Variants in SGSM2 observed in about 807,000 individuals in gnomAD.
The protein encoded by SGSM2 is small G protein signaling modulator 2, also known as RUN and TBC1 domain containing 1.
Under a neutral mutation model 126.6 loss-of-function variants are expected in SGSM2, and 89 were observed. The observed-to-expected ratio is 0.70, with a 90% CI of 0.59 to 0.84. The LOEUF is 0.84. Ranked by LOEUF, SGSM2 falls within the 40% of genes least tolerant of loss-of-function variation. The probability of loss-of-function intolerance (pLI) is 0.00; values close to 1 mark genes in which losing one functional copy is unlikely to be tolerated. For synonymous variants in SGSM2, 614 were observed against 574.3 expected (o/e 1.07, Z -0.99); for missense variants, 1,404 against 1,416.6 (o/e 0.99, Z 0.14).
chr17:2,355,019 G>A (rs2065039149), intron 2 of SGSM2, among the ~76,000 whole-genome samples: 1 of 121,926 alleles, frequency 8.2e-6, no homozygotes, highest in Non-Finnish European at 1.7e-5. Context: ...TTAGAATGGT[G>A]GAATCGGGGT....
chr17:2,374,907 C>T (rs954484457), intron 17 of SGSM2, among the ~76,000 whole-genome samples: 1 of 152,140 alleles, frequency 6.6e-6, no homozygotes, highest in African/African-American at 2.4e-5. Flanking sequence ...CTCTTCTTTT[C>T]CTCGTGCCTT....
chr17:2,372,370 C>T lies in SGSM2; in HGVS notation c.1670C>T (p.Thr557Met), dbSNP rs373626678. Residue 557 changes from threonine to methionine, a missense_variant, in exon 15 of 24, where the codon ACG becomes ATG. Coordinates refer to ENST00000268989, the MANE Select transcript of SGSM2 (RefSeq NM_014853.3). This position sits in a 1 kb window ranked among gnomAD's most constrained non-coding sequence, Gnocchi z 6.0. The part of the protein sequence containing the change: ...GWLAHCRHLS[T>M]VRTHLSALVH... ...CTGGCACACTGCCGCCACCTGTCCA[C>T]GGTGCGGACCCACCTGTCGGCGCTG... The T allele has an allele frequency of 2.1e-4, 326 of 1,589,300 alleles. No individual in the cohort carries two copies. The highest frequency in any genetic ancestry group is 2.7e-4 in the Non-Finnish European group (312 of 1,169,102).
rs117427636 is a variant in SGSM2 at position 2,347,513 on chromosome 17, T to G, written c.133+3893T>G. 4.9e-4 allele frequency among the ~76,000 whole-genome samples: 74 copies of G among 152,102 alleles called. No individual in the cohort carries two copies. In the East Asian group the frequency reaches 0.012, roughly 24 times the overall value. On this transcript the variant is annotated intron_variant, in intron 2 of 23. Transcript: ENST00000268989. ...TTTATCTTAAAACATCACATCAAGT[T>G]TACATTTTTCTCTATCATATGGTTT... is the stretch of plus-strand genomic sequence containing the variant.
Position 2,367,552 on chromosome 17 carries a change from G to A in SGSM2, c.1423+147G>A, listed in dbSNP as rs1349167301. ...TTCCCTTCCATCGGGGGCAGATCAG[G>A]GAGGGCAGAAGGAGGCCAGACAGGT... On this transcript the variant is annotated intron_variant, in intron 12 of 23. Coordinates refer to ENST00000268989, the MANE Select transcript of SGSM2 (RefSeq NM_014853.3). This position sits in a 1 kb window ranked among gnomAD's most constrained non-coding sequence, Gnocchi z 4.0. 4 of 927,224 alleles carry A rather than the reference G, an allele frequency of 4.3e-6. No individual in the cohort carries two copies. The Admixed American group carries it at 8.1e-5, about 19-fold the overall frequency. The allele number at this position is 927,224 out of a possible 1,614,324, so 57.4% of individuals were successfully genotyped here.
intron 2 of SGSM2, among the ~76,000 whole-genome samples, chr17:2,345,641 C>A (rs1382764264): frequency 6.6e-6 from 1 of 150,916 alleles, no homozygotes. Context: ...ATACTGACAG[C>A]TAATTCCCAT....
chr17:2,370,115 A>C (rs575039323), intron 12 of SGSM2, among the ~76,000 whole-genome samples: 5 of 152,300 alleles, frequency 3.3e-5, no homozygotes, highest in Admixed American at 6.5e-5. Context: ...CGCCTGCGGC[A>C]GGCCACAGTG....
In SGSM2 at chr17:2,362,182, C is replaced by T; in HGVS notation, c.370C>T (p.Pro124Ser). The change falls in exon 4 of 24, where the codon CCT becomes TCT. Residue 124 changes from proline (P) to serine (S), a missense_variant. Pro to Ser is a moderately conservative substitution (Grantham distance 74, BLOSUM62 -1). Coordinates refer to ENST00000268989, the MANE Select transcript of SGSM2 (RefSeq NM_014853.3). This position sits in a 1 kb window ranked among gnomAD's most constrained non-coding sequence, Gnocchi z 4.9. ...CAGCGGGAAGGCCCCGGCCCTCAGC[C>T]CTCAGGCCTTGAAACACGTATGGGT... ...SASGKAPALS[P>S]QALKHVWVRT... The T allele has an allele frequency of 6.2e-7, 1 of 1,613,960 alleles. No homozygotes were observed. Among genetic ancestry groups the T allele is most frequent in the Non-Finnish European group, 8.5e-7 (1 of 1,179,992 alleles).
At chr17:2,376,401 T>C (rs73296299) in intron 19 of SGSM2, 140 bp downstream of exon 19, 67,520 of 1,038,398 alleles carry the variant, frequency 0.065, 3,197 homozygotes, top group African/African-American at 0.19. Context: ...AACGCTTTTT[T>C]CCTGCACACC....
In SGSM2 at chr17:2,372,226, G is replaced by A. The variant is rs1364952380; in HGVS notation, c.1614G>A (p.Arg538=). The A allele has an allele frequency of 1.9e-6, 3 of 1,613,258 alleles. 1 individual carries two copies. Among genetic ancestry groups the A allele is most frequent in the Middle Eastern group, 1.6e-4 (1 of 6,062 alleles). The change falls in exon 14 of 24, where the codon AGG becomes AGA. Residue 538 remains arginine, a synonymous_variant. Transcript: ENST00000268989. The surrounding 1 kb of genome is among the most constrained non-coding windows in gnomAD (Gnocchi z 6.0). ...GGCTACTGTGTGAGAGTATGAAGAG[G>A]CAGATCGTGTCCCGGGCCTTCTACG... ...PLRLLCESMK[R]QIVSRAFYGW...
rs141855773 is a variant in SGSM2 at position 2,375,702 on chromosome 17, G to A, written c.2311G>A (p.Gly771Arg). 2 of 1,612,838 alleles carry A rather than the reference G, an allele frequency of 1.2e-6. No homozygotes were observed. Among genetic ancestry groups the A allele is most frequent in the Admixed American group, 1.7e-5 (1 of 59,982 alleles). Residue 771 changes from glycine to arginine, a missense_variant, in exon 18 of 24, where the codon GGG (glycine) becomes AGG (arginine). Gly to Arg is a moderately radical substitution (Grantham distance 125). Transcript: ENST00000268989. ...ASGIQSSLDEGQSVGFEEEDG... is the reference protein window; with the variant it reads ...ASGIQSSLDERQSVGFEEEDG... ...GGGCATCCAGTCAAGCCTAGATGAG[G>A]GGCAGAGCGTGGGCTTCGAAGAGGA...
Position 2,375,729 on chromosome 17 carries a change from G to A in SGSM2, c.2338G>A (p.Asp780Asn). 1.2e-6 allele frequency: 2 copies of A among 1,609,482 alleles called. No individual in the cohort carries two copies. The highest frequency in any genetic ancestry group is 2.2e-5 in the South Asian group (2 of 90,938). ...GCAGAGCGTGGGCTTCGAAGAGGAG[G>A]ACGGCGGTGGGGAGGAAGGCTCCAG... ...EGQSVGFEEE[D>N]GGGEEGSSGP... is the part of the protein sequence containing the mutation. The change falls in exon 18 of 24, where the codon GAC becomes AAC. Residue 780 changes from aspartate (D) to asparagine (N), a missense_variant. By Grantham distance (23) the Asp-to-Asn change is conservative. Transcript: ENST00000268989.
In SGSM2 at chr17:2,380,181, CA is replaced by C. The variant is rs753569587; in HGVS notation, c.*662del. On this transcript the variant is annotated 3_prime_UTR_variant, in exon 24 of 24. Coordinates refer to ENST00000268989, the MANE Select transcript of SGSM2 (RefSeq NM_014853.3). ...GCCTTTGGCCACCTGAGGTGACCCC[CA>C]GGCCTCCCCGGCCTTGTACAGTGTA... The C allele has an allele frequency of 1.1e-5, 17 of 1,507,910 alleles. No homozygotes were observed. The highest frequency in any genetic ancestry group is 1.4e-5 in the Non-Finnish European group (16 of 1,129,996). 93.4% of individuals were successfully genotyped at this position (1,507,910 alleles called of 1,614,324 possible).
intron 13 of SGSM2, 192 bp from the exon 14 acceptor site, chr17:2,371,998 G>A (rs1298402125): frequency 4.8e-6 from 3 of 624,508 alleles, no homozygotes; most frequent in Non-Finnish European, 8.1e-6. Flanking sequence ...GCCAGGCGGG[G>A]GCCCCACAGC....
chr17:2,375,357 CCA>C lies in SGSM2; in HGVS notation c.2101-132_2101-131del, dbSNP rs367701260. On this transcript the variant is annotated intron_variant, in intron 17 of 23. Coordinates refer to ENST00000268989, the MANE Select transcript of SGSM2 (RefSeq NM_014853.3). The stretch of plus-strand genomic sequence containing the variant: ...CAGAAGCTGGCTTGGTGCCCCGTGG[CCA>C]CAGTGTTGGAGGCTGTGGTGGGAGA... 3.0e-4 allele frequency: 347 copies of C among 1,170,822 alleles called. 3 individuals are homozygous for C. The South Asian group carries it at 5.4e-3, about 18-fold the overall frequency. 72.5% of individuals were successfully genotyped at this position (1,170,822 alleles called of 1,614,324 possible). A position where few individuals can be genotyped will look rare whatever the true frequency, so the allele number is the denominator to read the frequency against.
intron 2 of SGSM2, among the ~76,000 whole-genome samples, chr17:2,360,808 G>A (rs180873180): frequency 1.3e-5 from 2 of 152,370 alleles, no homozygotes; most frequent in East Asian, 3.9e-4. Flanking sequence ...AAAGGGGCTC[G>A]GGCCGAGGCT....
Position 2,365,234 on chromosome 17 carries a change from T to A in SGSM2, c.1181T>A (p.Leu394Gln). 1 of 1,612,592 alleles carries A rather than the reference T, an allele frequency of 6.2e-7. No individual in the cohort carries two copies. The highest frequency in any genetic ancestry group is 8.5e-7 in the Non-Finnish European group (1 of 1,179,162). Residue 394 changes from leucine (L) to glutamine (Q), a missense_variant, in exon 11 of 24, where the codon CTA becomes CAA. Physicochemically the swap from Leu to Gln is moderately radical, Grantham distance 113 (BLOSUM62 -2). Transcript: ENST00000268989. ...CCACAGGGGAAAGTGTTCCCCAAGC[T>A]ACGGAAACGAAGCAGCATTCGCTCC... ...QQGKGKVFPK[L>Q]RKRSSIRSVD...
chr17:2,344,802 G>C (rs2064523831), intron 2 of SGSM2, among the ~76,000 whole-genome samples: 1 of 152,174 alleles, frequency 6.6e-6, no homozygotes, highest in Non-Finnish European at 1.5e-5. Flanking sequence ...CTTTTAAGTC[G>C]TCTTGGACAA....
intron 17 of SGSM2, chr17:2,375,042 T>G (rs2066060665): frequency 6.4e-6 from 1 of 155,620 alleles, no homozygotes; most frequent in African/African-American, 2.4e-5. Flanking sequence ...TGTCTTGTCC[T>G]GCTGAACACT....
chr17:2,373,764 G>T (rs2065997832), intron 17 of SGSM2: 2 of 487,750 alleles, frequency 4.1e-6, no homozygotes, highest in Non-Finnish European at 7.3e-6. Context: ...GGGAAAGATG[G>T]ACTTACTGGG....
Sources: gnomAD v4.1 joint callset for allele counts (sites outside exome capture counted in the v4.1 genomes callset) on GRCh38, gnomAD v4.1.1 for gene constraint, Gnocchi (gnomAD v3.1) non-coding constraint, MANE v1.5 for transcripts, NCBI Gene and HGNC (gene_info 2026-07-23, HGNC 2026-07-21) for gene names.